PVT1: variants seen among roughly 807,000 people sequenced by gnomAD.
PVT1 encodes the protein Pvt1 oncogene.
At chr8:127,799,395 T>C (rs947736551) in intron 2 of PVT1, among the ~76,000 whole-genome samples, 8 of 152,110 alleles carry the variant, frequency 5.3e-5, no homozygotes, top group African/African-American at 1.7e-4. Flanking sequence ...TCTGTCTCTG[T>C]AAAAAATAAT....
At chr8:128,004,643 G>T (rs1188246997) in intron 4 of PVT1, among the ~76,000 whole-genome samples, 1 of 152,210 alleles carries the variant, frequency 6.6e-6, no homozygotes, top group African/African-American at 2.4e-5. Context: ...ACAGGGAGAA[G>T]CCTGGGCCAG....
intron 5 of PVT1, among the ~76,000 whole-genome samples, chr8:128,081,892 C>T (rs972294109): frequency 1.3e-5 from 2 of 152,104 alleles, no homozygotes; most frequent in African/African-American, 4.8e-5. Flanking sequence ...TTTGAGCCAC[C>T]AGTCCTTGAC....
chr8:127,998,535 T>TTCTCTCTCTCTCTC (rs34462486), intron 4 of PVT1, among the ~76,000 whole-genome samples: 5 of 143,470 alleles, frequency 3.5e-5, no homozygotes, highest in African/African-American at 1.3e-4. Context: ...CCTTCTTTCT[T>TTCTCTCTCTCTCTC]TCTCTCTCTC....
intron 3 of PVT1, among the ~76,000 whole-genome samples, chr8:127,908,348 CTT>C (rs34469533): frequency 7.1e-6 from 1 of 141,094 alleles, no homozygotes; most frequent in Admixed American, 7.2e-5. Context: ...TTCTTTCTTT[CTT>C]TTTTTTTTTG....
chr8:127,952,992 C>T (rs1327320092), intron 3 of PVT1, among the ~76,000 whole-genome samples: 1 of 152,094 alleles, frequency 6.6e-6, no homozygotes. Flanking sequence ...TCTCGATCTC[C>T]TGCCCTCGTG....
At chr8:127,815,716 G>A (rs774400707) in intron 2 of PVT1, among the ~76,000 whole-genome samples, 1 of 152,220 alleles carries the variant, frequency 6.6e-6, no homozygotes, top group Non-Finnish European at 1.5e-5. Context: ...CATCATTTAT[G>A]TTATGCTGCC....
intron 4 of PVT1, among the ~76,000 whole-genome samples, chr8:128,061,766 T>C (rs1051873262): frequency 6.6e-6 from 1 of 152,214 alleles, no homozygotes; most frequent in African/African-American, 2.4e-5. Flanking sequence ...AGGAACACTT[T>C]CTGGGAAAGG....
intron 3 of PVT1, among the ~76,000 whole-genome samples, chr8:127,949,297 A>G (rs1479109562): frequency 6.6e-6 from 1 of 151,276 alleles, no homozygotes; most frequent in Non-Finnish European, 1.5e-5. Context: ...TGCCTGGCCT[A>G]TGGGACACAT....
chr8:127,941,523 A>G (rs1444016870), intron 3 of PVT1, among the ~76,000 whole-genome samples: 2 of 152,232 alleles, frequency 1.3e-5, no homozygotes, highest in African/African-American at 4.8e-5. Context: ...ATTTGGCAGC[A>G]TTGAATTGTT....
chr8:127,963,828 G>A (rs950343543), intron 3 of PVT1, among the ~76,000 whole-genome samples: 1 of 152,152 alleles, frequency 6.6e-6, no homozygotes, highest in South Asian at 2.1e-4. Context: ...TGTCCTGCGT[G>A]CCTTGGGACC....
chr8:128,029,800 AAAAC>A (rs201537169), intron 4 of PVT1, among the ~76,000 whole-genome samples: 2,516 of 152,310 alleles, frequency 0.017, 68 homozygotes, highest in African/African-American at 0.057. Context: ...CTCTGTCTCA[AAAAC>A]AAACAAACAA....
At chr8:128,027,394 CAG>C (rs1339496668) in intron 4 of PVT1, among the ~76,000 whole-genome samples, 3 of 152,210 alleles carry the variant, frequency 2.0e-5, no homozygotes, top group Admixed American at 2.0e-4. Context: ...AGCATGCAGT[CAG>C]AAGGGAACTT....
At chr8:127,982,126 G>C (rs1025864967) in intron 3 of PVT1, among the ~76,000 whole-genome samples, 1 of 152,180 alleles carries the variant, frequency 6.6e-6, no homozygotes, top group Non-Finnish European at 1.5e-5. Context: ...GGGATAATGT[G>C]AGCACCTACC....
At chr8:128,023,914 A>G (rs1817465603) in intron 4 of PVT1, among the ~76,000 whole-genome samples, 1 of 152,214 alleles carries the variant, frequency 6.6e-6, no homozygotes, top group South Asian at 2.1e-4. Flanking sequence ...AGCGGTCCCC[A>G]TATTTTGGGC....
chr8:127,825,315 T>TC (rs1264680236), intron 2 of PVT1, among the ~76,000 whole-genome samples: 3 of 152,142 alleles, frequency 2.0e-5, no homozygotes, highest in Non-Finnish European at 4.4e-5. Flanking sequence ...TTCAGTTGTT[T>TC]CCCCATTTGG....
At chr8:127,974,763 G>C (rs77704302) in intron 3 of PVT1, among the ~76,000 whole-genome samples, 1 of 152,270 alleles carries the variant, frequency 6.6e-6, no homozygotes, top group African/African-American at 2.4e-5. Context: ...TATTTCCAAA[G>C]AATAGATACG....
chr8:127,937,548 GACACACACACAC>G (rs35147410), intron 3 of PVT1, among the ~76,000 whole-genome samples: 2 of 122,698 alleles, frequency 1.6e-5, no homozygotes, highest in South Asian at 3.0e-4. Context: ...TAGGGAAAAA[GACACACACACAC>G]ACACACACAC....
chr8:128,034,454 G>A (rs757620863), intron 4 of PVT1, among the ~76,000 whole-genome samples: 8 of 152,122 alleles, frequency 5.3e-5, no homozygotes, highest in Non-Finnish European at 1.0e-4. Context: ...GCTTCGCTCT[G>A]GTCCAGAATA....
chr8:127,853,557 G>GA (rs1815128227), intron 2 of PVT1, among the ~76,000 whole-genome samples: 1 of 152,138 alleles, frequency 6.6e-6, no homozygotes, highest in Non-Finnish European at 1.5e-5. Context: ...AAAGCTGGGG[G>GA]ATCACCTGAG....
Sources: allele counts gnomAD v4.1 joint callset (sites outside exome capture counted in the v4.1 genomes callset), GRCh38; gene constraint gnomAD v4.1.1; transcripts MANE v1.5; gene names NCBI Gene and HGNC (gene_info 2026-07-23, HGNC 2026-07-21).